SP6: variants seen among roughly 807,000 people sequenced by gnomAD.
SP6 encodes Sp6 transcription factor, also known as transcription factor Sp6.
Under a neutral mutation model 23.4 loss-of-function variants are expected in SP6, and 10 were observed. That is an observed-to-expected ratio of 0.43 (90% CI 0.26 to 0.72). The LOEUF (loss-of-function observed/expected upper bound fraction) is 0.72. Ranked by LOEUF, SP6 falls within the 30% of genes least tolerant of loss-of-function variation. SP6 has a pLI of 0.23. For synonymous variants in SP6, 238 were observed against 238.7 expected (o/e 1.00, Z 0.03); for missense variants, 482 against 523.8 (o/e 0.92, Z 0.78).
the SP6 span, among the ~76,000 whole-genome samples, chr17:47,867,724 A>G: frequency 6.6e-6 from 1 of 151,492 alleles, no homozygotes; most frequent in African/African-American, 2.4e-5. Flanking sequence ...CACTGTGGTT[A>G]TGGTGTAGCT....
At chr17:47,854,215 C>A (rs865845104), upstream of SP6, among the ~76,000 whole-genome samples, 1 of 152,324 alleles carries the variant, frequency 6.6e-6, no homozygotes, top group Middle Eastern at 3.4e-3. Context: ...CCACTTTGTA[C>A]CTGGAGAAAT....
chr17:47,864,950 G>T, the SP6 span: 1 of 152,282 alleles, frequency 6.6e-6, no homozygotes, highest in Admixed American at 6.5e-5. Flanking sequence ...CCCAAGAGAT[G>T]AGATCCTGGG....
At chr17:47,860,504 G>A (rs142849225), upstream of SP6, among the ~76,000 whole-genome samples, 7 of 152,234 alleles carry the variant, frequency 4.6e-5, no homozygotes, top group Non-Finnish European at 1.0e-4. Flanking sequence ...TGTTGCACTG[G>A]ATTGAATTTA....
upstream of SP6, among the ~76,000 whole-genome samples, chr17:47,853,182 A>G (rs756631410): frequency 4.6e-5 from 7 of 152,162 alleles, no homozygotes; most frequent in Non-Finnish European, 8.8e-5. Context: ...GGGGATTGAG[A>G]TTTCTGATCA....
upstream of SP6, among the ~76,000 whole-genome samples, chr17:47,853,697 C>T (rs1363621538): frequency 6.6e-6 from 1 of 152,190 alleles, no homozygotes; most frequent in Non-Finnish European, 1.5e-5. Context: ...AGCCCTGCCC[C>T]GATCCAACCA....
upstream of SP6, among the ~76,000 whole-genome samples, chr17:47,858,405 A>G (rs1315969345): frequency 6.6e-6 from 1 of 152,074 alleles, no homozygotes; most frequent in Non-Finnish European, 1.5e-5. Flanking sequence ...ATTTTTCTCA[A>G]TATACCTGCT....
the SP6 span, among the ~76,000 whole-genome samples, chr17:47,863,590 C>CA: frequency 1.4e-5 from 1 of 72,486 alleles, no homozygotes; most frequent in Non-Finnish European, 3.3e-5. Flanking sequence ...TTTTTTGAGA[C>CA]AGAGTTTCTC....
the SP6 span, among the ~76,000 whole-genome samples, chr17:47,868,531 A>G: frequency 0.024 from 3,633 of 152,180 alleles, 142 homozygotes; most frequent in African/African-American, 0.083. Flanking sequence ...ATCAGAGCCA[A>G]AGTGCTCCTG....
chr17:47,847,502 C>A lies in SP6; in HGVS notation c.928G>T (p.Gly310Cys). 1.9e-6 allele frequency: 3 copies of A among 1,613,762 alleles called. No individual in the cohort carries two copies. Among genetic ancestry groups the A allele is most frequent in the Non-Finnish European group, 2.5e-6 (3 of 1,179,948 alleles). ...ACTGCACAGGGGAACTTCTTGGTGC[C>A]GGTGTGGGTCTGGAGGTGGCGCTGC... ...ELQRHLQTHT[G>C]TKKFPCAVCS... is the part of the protein sequence containing the mutation. Residue 310 changes from glycine (G) to cysteine (C), a missense_variant, in exon 2 of 2, where the codon GGC becomes TGC. Gly to Cys is a radical substitution (Grantham distance 159). This residue lies in a region of SP6 where 101 missense variants were observed against 99.3 expected (regional missense o/e 1.02). Transcript: ENST00000536300.
In SP6 at chr17:47,847,167, G is replaced by T; in HGVS notation, c.*132C>A. ...CCTAGCGCCCCATCTCCCTGTCCCT[G>T]CACCACTTTTCCTCCTCCCTGAATA... On this transcript the variant is annotated 3_prime_UTR_variant, in exon 2 of 2. Transcript: ENST00000536300. The T allele has an allele frequency of 2.1e-6, 2 of 969,638 alleles. No homozygotes were observed. Among genetic ancestry groups the T allele is most frequent in the Non-Finnish European group, 3.0e-6 (2 of 674,792 alleles). The allele number at this position is 969,638 out of a possible 1,614,324, so 60.1% of individuals were successfully genotyped here.
rs774129118 is a variant in SP6 at position 47,847,749 on chromosome 17, G to T, written c.681C>A (p.Val227=). 6.3e-7 allele frequency: 1 copy of T among 1,584,484 alleles called. No individual in the cohort carries two copies. Among genetic ancestry groups the T allele is most frequent in the South Asian group, 1.2e-5 (1 of 86,536 alleles). ...RSVPRSSGQT[V]CRCPNCLEAE... is the part of the protein sequence containing the mutation. ...CCTCCAGACAGTTGGGGCAGCGACA[G>T]ACGGTCTGGCCTGAGCTGCGGGGCA... The change falls in exon 2 of 2, where the codon GTC becomes GTA. Residue 227 remains valine (V), a synonymous_variant. Coordinates refer to ENST00000536300, the MANE Select transcript of SP6 (RefSeq NM_001258248.2).
chr17:47,852,416 A>G (rs1386223888), upstream of SP6, among the ~76,000 whole-genome samples: 2 of 151,334 alleles, frequency 1.3e-5, no homozygotes, highest in East Asian at 3.9e-4. Context: ...TGATCTCTCC[A>G]TGTGACCCCT....
the SP6 span, chr17:47,863,429 T>C: frequency 6.6e-6 from 1 of 151,904 alleles, no homozygotes; most frequent in African/African-American, 2.4e-5. Flanking sequence ...TGTAAGTTTG[T>C]TGAATAAGTT....
At position 47,848,524 on chromosome 17, in the gene SP6, A is replaced by G. The variant is rs7212099; in HGVS notation, c.-57-38T>C. The G allele has an allele frequency of 0.13, 154,691 of 1,209,968 alleles. 10,491 individuals are homozygous for G. Among genetic ancestry groups the G allele is most frequent in the South Asian group, 0.18 (11,293 of 61,082 alleles). 75.0% of individuals were successfully genotyped at this position (1,209,968 alleles called of 1,614,324 possible). Reference sequence around the variant, plus strand: ...AAGAAGCAGAAAAGTAAGGGAAATAACCAGCTCACTTTCCCTCCTAACCCA... The same window carrying G: ...AAGAAGCAGAAAAGTAAGGGAAATAGCCAGCTCACTTTCCCTCCTAACCCA... On this transcript the variant is annotated intron_variant, in intron 1 of 1. Transcript: ENST00000536300. The surrounding 1 kb of genome is among the most constrained non-coding windows in gnomAD (Gnocchi z 5.3).
At chr17:47,871,471 T>C in the SP6 span, among the ~76,000 whole-genome samples, 245 of 152,334 alleles carry the variant, frequency 1.6e-3, 1 homozygote, top group African/African-American at 5.7e-3. Context: ...CTTTCTGTGA[T>C]TATAATTGTT....
the SP6 span, among the ~76,000 whole-genome samples, chr17:47,873,042 G>A: frequency 3.9e-5 from 6 of 152,350 alleles, no homozygotes; most frequent in African/African-American, 1.2e-4. Context: ...AGGCAGGTGG[G>A]GAAACCACAG....
chr17:47,868,516 C>T, the SP6 span, among the ~76,000 whole-genome samples: 109 of 152,336 alleles, frequency 7.2e-4, no homozygotes, highest in African/African-American at 2.4e-3. Flanking sequence ...CCCAGAGCTG[C>T]CTACATCAGA....
In SP6 at chr17:47,848,086, G is replaced by T; in HGVS notation, c.344C>A (p.Ala115Glu). ...ESWFRPTHPG[A>E]EDGSWWDLHP... ...AAGGTCCCACCACGAGCCATCCTCC[G>T]CGCCTGGGTGAGTCGGCCTGAACCA... is the stretch of plus-strand genomic sequence containing the variant. Residue 115 changes from alanine to glutamate, a missense_variant, in exon 2 of 2, where the codon GCG becomes GAG. Ala to Glu is a moderately radical substitution (Grantham distance 107). Transcript: ENST00000536300. The surrounding 1 kb of genome is among the most constrained non-coding windows in gnomAD (Gnocchi z 5.3). 6.2e-7 allele frequency: 1 copy of T among 1,613,530 alleles called. No homozygotes were observed. The highest frequency in any genetic ancestry group is 8.5e-7 in the Non-Finnish European group (1 of 1,179,960).
At position 47,847,198 on chromosome 17, in the gene SP6, G is replaced by T; in HGVS notation, c.*101C>A. ...CTTTTCCTCCTCCCTGAATAAATACGCACCTTCCCCTCTTCCTCAAGCCAC... is the reference window on the plus strand; with the variant it reads ...CTTTTCCTCCTCCCTGAATAAATACTCACCTTCCCCTCTTCCTCAAGCCAC... On this transcript the variant is annotated 3_prime_UTR_variant, in exon 2 of 2. Transcript: ENST00000536300. The T allele has an allele frequency of 1.6e-6, 2 of 1,220,414 alleles. No individual in the cohort carries two copies. The highest frequency in any genetic ancestry group is 1.1e-6 in the Non-Finnish European group (1 of 901,984). The allele number at this position is 1,220,414 out of a possible 1,614,324, so 75.6% of individuals were successfully genotyped here.
Sources: gnomAD v4.1 joint callset for allele counts (sites outside exome capture counted in the v4.1 genomes callset) on GRCh38, gnomAD v4.1.1 for gene constraint, gnomAD v4.1.1 regional missense constraint, Gnocchi (gnomAD v3.1) non-coding constraint, MANE v1.5 for transcripts, NCBI Gene and HGNC (gene_info 2026-07-23, HGNC 2026-07-21) for gene names.